The following MAGED1 variants were observed in gnomAD, a reference collection of about 807,000 sequenced individuals.
MAGED1 encodes melanoma-associated antigen D1.
A neutral mutation model predicts 54.1 loss-of-function variants in MAGED1; 3 were observed. The ratio of observed to expected loss-of-function variants is 0.06; its 90% CI spans 0.03 to 0.14. The LOEUF is 0.14. MAGED1 is among the 10% of genes least tolerant of loss of function. The pLI, the probability that MAGED1 is intolerant of heterozygous loss-of-function variation, is 1.00. For missense variants in MAGED1, 485 were observed against 623.4 expected (o/e 0.78, Z 2.36); for synonymous variants, 217 against 227.3 (o/e 0.95, Z 0.41).
intron 3 of MAGED1, 182 bp from the exon 4 acceptor site, chrX:51,896,227 C>T (rs1928743810): frequency 6.6e-6 from 3 of 453,515 alleles, no homozygotes; most frequent in African/African-American, 2.5e-5. Flanking sequence ...TTGCTCCTGG[C>T]CTGGCTCGGA....
At chrX:51,877,060 A>G (rs1233608274) in intron 1 of MAGED1, among the ~76,000 whole-genome samples, 1 of 110,818 alleles carries the variant, frequency 9.0e-6, no homozygotes, top group East Asian at 2.8e-4. Context: ...TGGCTTTTCA[A>G]TAGCAAAGGA....
chrX:51,866,087 C>A (rs1927449711), intron 1 of MAGED1, among the ~76,000 whole-genome samples: 1 of 112,096 alleles, frequency 8.9e-6, no homozygotes, highest in African/African-American at 3.2e-5. Context: ...TTCCTTATAG[C>A]AGTGTGAGAA....
At chrX:51,900,929 C>T (rs781818992) in intron 11 of MAGED1, among the ~76,000 whole-genome samples, 3 of 112,387 alleles carry the variant, frequency 2.7e-5, no homozygotes, top group Non-Finnish European at 5.6e-5. Flanking sequence ...CCACCGTACC[C>T]GGCCCATTCA....
At chrX:51,880,073 G>T (rs1177714141) in intron 1 of MAGED1, among the ~76,000 whole-genome samples, 1 of 112,639 alleles carries the variant, frequency 8.9e-6, no homozygotes, top group Non-Finnish European at 1.9e-5. Flanking sequence ...TAATTATTTG[G>T]AGCCTCTTCA....
chrX:51,889,560 G>A (rs782796854), upstream of MAGED1, among the ~76,000 whole-genome samples: 1 of 103,874 alleles, frequency 9.6e-6, no homozygotes, highest in Non-Finnish European at 2.0e-5. Flanking sequence ...CCTGGGAGGT[G>A]GAGGTTGTAG....
chrX:51,894,774 C>T lies in MAGED1; in HGVS notation c.46-279C>T, dbSNP rs1557363958. 57 of 1,147,041 alleles carry T rather than the reference C, an allele frequency of 5.0e-5. No individual in the cohort carries two copies. The highest frequency in any genetic ancestry group is 6.6e-5 in the Non-Finnish European group (57 of 868,591). The allele number at this position is 1,147,041 out of a possible 1,213,427, so 94.5% of individuals were successfully genotyped here. A position where few individuals can be genotyped will look rare whatever the true frequency, so the allele number is the denominator to read the frequency against. On this transcript the variant is annotated intron_variant, in intron 2 of 12. Transcript: ENST00000326587. The stretch of plus-strand genomic sequence containing the variant: ...CGTCCTGAGCTGCTACTGCACGCCT[C>T]TTGGAGCGTCCCCGGCTCCTGTTCG...
intron 1 of MAGED1, among the ~76,000 whole-genome samples, chrX:51,884,966 A>G (rs993068891): frequency 8.9e-6 from 1 of 112,300 alleles, no homozygotes; most frequent in African/African-American, 3.2e-5. Context: ...TAACTTCCTC[A>G]ATTTGATTTT....
rs1928705115 is a variant in MAGED1 at position 51,895,498 on chromosome X, C to G, written c.491C>G (p.Ser164Cys). Residue 164 changes from serine to cysteine, a missense_variant, in exon 3 of 13, where the codon TCT becomes TGT. By Grantham distance (112) the Ser-to-Cys change is moderately radical. Coordinates refer to ENST00000326587, the MANE Select transcript of MAGED1 (RefSeq NM_006986.4). ...GGCCCAAATGCCACCTACAATTTCTCTCAGTCTCTCAATGCCAATGACCTG... is the reference window on the plus strand; with the variant it reads ...GGCCCAAATGCCACCTACAATTTCTGTCAGTCTCTCAATGCCAATGACCTG... ...KVGPNATYNF[S>C]QSLNANDLAN... 8.3e-7 allele frequency: 1 copy of G among 1,208,831 alleles called. No homozygotes were observed. Among genetic ancestry groups the G allele is most frequent in the African/African-American group, 1.7e-5 (1 of 57,224 alleles).
At chrX:51,834,394 G>GC (rs1451042433) in intron 1 of MAGED1, among the ~76,000 whole-genome samples, 1 of 111,740 alleles carries the variant, frequency 8.9e-6, no homozygotes, top group Non-Finnish European at 1.9e-5. Context: ...GTGTCTGAGA[G>GC]CCACCCCTGC....
chrX:51,889,627 CAAAAAAAAAAAA>C (rs1170454113), upstream of MAGED1, among the ~76,000 whole-genome samples: 2 of 16,919 alleles, frequency 1.2e-4, no homozygotes, highest in Non-Finnish European at 2.6e-4. Context: ...GACTCTGTCT[CAAAAAAAAAAAA>C]AAAAAAAAAA....
upstream of MAGED1, among the ~76,000 whole-genome samples, chrX:51,889,627 C>CAA (rs1170454113): frequency 0.013 from 204 of 16,165 alleles, 2 homozygotes; most frequent in Middle Eastern, 0.036. Flanking sequence ...GACTCTGTCT[C>CAA]AAAAAAAAAA....
intron 3 of MAGED1, 137 bp from the exon 4 acceptor site, chrX:51,896,272 A>C (rs1216713493): frequency 3.6e-6 from 2 of 553,889 alleles, no homozygotes; most frequent in Non-Finnish European, 5.6e-6. Context: ...GTGAAAGACA[A>C]ACCCAGGACT....
chrX:51,825,491 AAC>A (rs782378696), intron 1 of MAGED1, among the ~76,000 whole-genome samples: 1 of 112,458 alleles, frequency 8.9e-6, no homozygotes, highest in East Asian at 2.8e-4. Context: ...AGAAGCAAAG[AAC>A]AAAGTGTATT....
intron 1 of MAGED1, among the ~76,000 whole-genome samples, chrX:51,810,931 G>A (rs1446726148): frequency 8.9e-6 from 1 of 111,859 alleles, no homozygotes; most frequent in Non-Finnish European, 1.9e-5. Flanking sequence ...ATTTACCACA[G>A]ACATGAAGAT....
At chrX:51,848,583 C>G (rs1189497394) in intron 1 of MAGED1, among the ~76,000 whole-genome samples, 2 of 112,078 alleles carry the variant, frequency 1.8e-5, no homozygotes, top group Non-Finnish European at 3.8e-5. Flanking sequence ...CTCCCCTCAC[C>G]CATAAAGCAC....
intron 3 of MAGED1, 145 bp downstream of exon 3, chrX:51,895,905 C>T (rs1352004041): frequency 2.3e-5 from 11 of 475,976 alleles, no homozygotes; most frequent in Admixed American, 4.1e-5. Context: ...TCCTGTCCTC[C>T]GGATGTTCAC....
intron 1 of MAGED1, among the ~76,000 whole-genome samples, chrX:51,880,663 G>A (rs1668139991): frequency 9.0e-6 from 1 of 111,405 alleles, no homozygotes; most frequent in African/African-American, 3.3e-5. Context: ...GAAAACCACG[G>A]TGGTCTTATC....
rs782124529 is a variant in MAGED1, at chrX:51,817,998, T to C, written c.-37+14881T>C. Among the ~76,000 whole-genome samples, 398 of 111,826 alleles carry C rather than the reference T, an allele frequency of 3.6e-3. 1 individual carries two copies. The highest frequency in any genetic ancestry group is 9.3e-3 in the Middle Eastern group (2 of 216). On this transcript the variant is annotated intron_variant, in intron 1 of 12. Coordinates refer to the MAGED1 transcript ENST00000375772. ...CAGTTCATCTTGAATGGGGGTCCCC[T>C]CCAACAAGAGGTTCTAGAATCTGTC...
intron 1 of MAGED1, among the ~76,000 whole-genome samples, chrX:51,814,255 T>C (rs782105402): frequency 8.9e-6 from 1 of 112,046 alleles, no homozygotes; most frequent in African/African-American, 3.2e-5. Flanking sequence ...TTGTTATGGC[T>C]GTTGCTGCTG....
Sources: allele counts gnomAD v4.1 joint callset (sites outside exome capture counted in the v4.1 genomes callset), GRCh38; gene constraint gnomAD v4.1.1; transcripts MANE v1.5; gene names NCBI Gene and HGNC (gene_info 2026-07-23, HGNC 2026-07-21).